The following ESRRG variants were observed in gnomAD, a reference collection of about 807,000 sequenced individuals.
ESRRG encodes estrogen-related receptor gamma.
In ESRRG, 13 loss-of-function variants were observed where a neutral mutation model predicts 44.0. That is an observed-to-expected ratio of 0.30 (90% CI 0.19 to 0.47). The LOEUF (loss-of-function observed/expected upper bound fraction) is 0.47. Ranked by LOEUF, ESRRG falls within the 20% of genes least tolerant of loss-of-function variation. The pLI, the probability that ESRRG is intolerant of heterozygous loss-of-function variation, is 1.00. For synonymous variants in ESRRG, 215 were observed against 214.6 expected (o/e 1.00, Z -0.02); for missense variants, 395 against 580.6 (o/e 0.68, Z 3.29).
At chr1:216,616,023 T>G (rs1266972315) in intron 3 of ESRRG, among the ~76,000 whole-genome samples, 1 of 152,186 alleles carries the variant, frequency 6.6e-6, no homozygotes, top group Non-Finnish European at 1.5e-5. Context: ...CACCTCAGCC[T>G]GATCACATTG....
intron 3 of ESRRG, among the ~76,000 whole-genome samples, chr1:216,650,039 T>G (rs2068567916): frequency 6.6e-6 from 1 of 152,154 alleles, no homozygotes; most frequent in Non-Finnish European, 1.5e-5. Flanking sequence ...AGTTACACAT[T>G]TAAATATTTA....
Position 216,782,213 on chromosome 1 carries a change from C to T in ESRRG, c.-13-104722G>A, listed in dbSNP as rs370990566. Among the ~76,000 whole-genome samples the T allele has an allele frequency of 1.6e-4, 24 of 152,158 alleles. No homozygotes were observed. The South Asian group carries it at 1.7e-3, about 11-fold the overall frequency. Reference sequence around the variant, plus strand: ...ACAAGAGCTCTTACATACAATAAGGCTGGTATATCTGCCCTTTAAATCCCT... The same window carrying T: ...ACAAGAGCTCTTACATACAATAAGGTTGGTATATCTGCCCTTTAAATCCCT... On this transcript the variant is annotated intron_variant, in intron 2 of 7. Transcript: ENST00000359162.
intron 1 of ESRRG, among the ~76,000 whole-genome samples, chr1:217,100,519 A>G (rs149253275): frequency 5.7e-4 from 87 of 152,326 alleles, no homozygotes; most frequent in African/African-American, 1.9e-3. Flanking sequence ...CCTTATCCTG[A>G]GCCAGTTAGT....
chr1:216,517,127 G>A (rs2044580875), intron 6 of ESRRG, among the ~76,000 whole-genome samples: 1 of 152,120 alleles, frequency 6.6e-6, no homozygotes, highest in Non-Finnish European at 1.5e-5. Context: ...TTGGGACAGA[G>A]ACTTTTTTTT....
chr1:217,050,520 C>G (rs1021431467), intron 1 of ESRRG, among the ~76,000 whole-genome samples: 1 of 152,062 alleles, frequency 6.6e-6, no homozygotes, highest in African/African-American at 2.4e-5. Flanking sequence ...AGCCTCTCCT[C>G]CTGTTCATAA....
chr1:216,578,680 A>G (rs1187858139), intron 3 of ESRRG, among the ~76,000 whole-genome samples: 2 of 152,142 alleles, frequency 1.3e-5, no homozygotes, highest in African/African-American at 2.4e-5. Flanking sequence ...TCATCTACCA[A>G]TGGTGTTCTT....
intron 2 of ESRRG, among the ~76,000 whole-genome samples, chr1:216,809,548 A>T (rs1325940365): frequency 1.3e-5 from 2 of 152,200 alleles, no homozygotes; most frequent in African/African-American, 4.8e-5. Flanking sequence ...ATTTAAGAAC[A>T]TTTTAAGACA....
intron 1 of ESRRG, among the ~76,000 whole-genome samples, chr1:217,115,085 C>T (rs2092706731): frequency 6.6e-6 from 1 of 152,134 alleles, no homozygotes; most frequent in Admixed American, 6.5e-5. Flanking sequence ...CTTCACAATG[C>T]TACTCCTCCC....
intron 1 of ESRRG, among the ~76,000 whole-genome samples, chr1:216,692,318 G>A (rs200453071): frequency 2.7e-4 from 4 of 15,056 alleles, no homozygotes; most frequent in South Asian, 4.7e-3. Context: ...GTGTATGTGT[G>A]TGTGTGTGTG....
intron 1 of ESRRG, among the ~76,000 whole-genome samples, chr1:216,977,824 G>A (rs143828832): frequency 5.5e-4 from 83 of 152,164 alleles, no homozygotes; most frequent in African/African-American, 1.7e-3. Flanking sequence ...ATGGGTGACC[G>A]GTCCTCATGA....
chr1:217,052,196 G>A (rs1409227864), intron 1 of ESRRG, among the ~76,000 whole-genome samples: 2 of 152,192 alleles, frequency 1.3e-5, no homozygotes, highest in Non-Finnish European at 2.9e-5. Context: ...TACTAAGAAT[G>A]CAAAATGGAA....
intron 5 of ESRRG, among the ~76,000 whole-genome samples, chr1:216,560,855 TA>T (rs1254869673): frequency 1.3e-5 from 2 of 152,014 alleles, no homozygotes; most frequent in African/African-American, 4.8e-5. Flanking sequence ...GAAAGAGAAA[TA>T]AAAAAGAGTC....
intron 2 of ESRRG, among the ~76,000 whole-genome samples, chr1:216,748,456 CT>C (rs2091662892): frequency 2.0e-5 from 3 of 152,112 alleles, no homozygotes; most frequent in African/African-American, 7.2e-5. Context: ...CTCTCTCTCC[CT>C]TTTACTATCA....
intron 3 of ESRRG, among the ~76,000 whole-genome samples, chr1:216,590,779 A>G (rs2057519924): frequency 6.6e-6 from 1 of 152,188 alleles, no homozygotes; most frequent in African/African-American, 2.4e-5. Context: ...AGAAAGTATA[A>G]GCCACAAGAC....
intron 1 of ESRRG, among the ~76,000 whole-genome samples, chr1:217,121,251 G>T (rs2092815262): frequency 6.6e-6 from 1 of 152,170 alleles, no homozygotes; most frequent in African/African-American, 2.4e-5. Context: ...GATCCATTTT[G>T]GGGAGGGGAA....
intron 1 of ESRRG, among the ~76,000 whole-genome samples, chr1:217,098,085 T>A (rs979446669): frequency 6.6e-6 from 1 of 152,194 alleles, no homozygotes; most frequent in African/African-American, 2.4e-5. Flanking sequence ...AATGGGCCTG[T>A]GGCCAGTTAA....
At chr1:216,821,542 G>A (rs12562082) in intron 2 of ESRRG, among the ~76,000 whole-genome samples, 3,000 of 151,270 alleles carry the variant, frequency 0.02, 96 homozygotes, top group East Asian at 0.12. Context: ...TAAATTAGCC[G>A]GGTGTAGTGG....
intron 2 of ESRRG, among the ~76,000 whole-genome samples, chr1:216,806,482 G>T (rs1031141807): frequency 2.6e-5 from 4 of 152,148 alleles, no homozygotes; most frequent in African/African-American, 4.8e-5. Flanking sequence ...TGTACGAAAG[G>T]TTTTGAAATA....
intron 2 of ESRRG, among the ~76,000 whole-genome samples, chr1:216,907,644 T>A (rs2059834845): frequency 6.6e-6 from 1 of 152,180 alleles, no homozygotes. Flanking sequence ...AGACTTGAAA[T>A]CACATGTGGT....
Sources: allele counts gnomAD v4.1 joint callset (sites outside exome capture counted in the v4.1 genomes callset), GRCh38; gene constraint gnomAD v4.1.1; transcripts MANE v1.5; gene names NCBI Gene and HGNC (gene_info 2026-07-23, HGNC 2026-07-21).